The following PRKCI variants were observed in gnomAD, a reference collection of about 807,000 sequenced individuals.
The protein encoded by PRKCI is protein kinase C iota, also known as protein kinase C iota type.
Under a neutral mutation model 84.0 loss-of-function variants are expected in PRKCI, and 43 were observed. That is an observed-to-expected ratio of 0.51 (90% CI 0.40 to 0.66). PRKCI has a LOEUF of 0.66. Among genes scored for constraint, PRKCI ranks in the 30% least tolerant of loss-of-function variants. The probability of loss-of-function intolerance (pLI) is 0.00; values close to 1 mark genes in which losing one functional copy is unlikely to be tolerated. For missense variants in PRKCI, 459 were observed against 745.6 expected (o/e 0.62, Z 4.48); for synonymous variants, 216 against 234.4 (o/e 0.92, Z 0.72).
intron 1 of PRKCI, among the ~76,000 whole-genome samples, chr3:170,229,478 AT>A (rs1217825404): frequency 6.6e-6 from 1 of 152,004 alleles, no homozygotes; most frequent in Non-Finnish European, 1.5e-5. Flanking sequence ...GGCTCAGCTA[AT>A]TTTTTTTAAT....
chr3:170,280,695 C>T (rs1313539474), intron 9 of PRKCI, among the ~76,000 whole-genome samples: 2 of 152,070 alleles, frequency 1.3e-5, no homozygotes, highest in African/African-American at 2.4e-5. Flanking sequence ...GTGATCCACC[C>T]GCCTCAGCCT....
chr3:170,279,867 TG>T, intron 8 of PRKCI, among the ~76,000 whole-genome samples: 1 of 152,342 alleles, frequency 6.6e-6, no homozygotes, highest in Middle Eastern at 3.4e-3. Flanking sequence ...TGACGTTCCC[TG>T]TCAGTGGTAC....
chr3:170,276,567 G>A (rs1734121063), intron 8 of PRKCI, among the ~76,000 whole-genome samples: 2 of 151,730 alleles, frequency 1.3e-5, no homozygotes, highest in Admixed American at 6.6e-5. Context: ...AGCCACCTCA[G>A]CCTCTCAGGT....
intron 1 of PRKCI, among the ~76,000 whole-genome samples, chr3:170,233,226 G>GTTTTTTTTTTTTTTTTTTTTTTTTTTTTT (rs1732849761): frequency 1.5e-4 from 23 of 149,420 alleles, no homozygotes; most frequent in African/African-American, 4.5e-4. Context: ...TTCTTTTGGG[G>GTTTTTTTTTTTTTTTTTTTTTTTTTTTTT]GTTTATTTTT....
chr3:170,268,696 TAC>T (rs1733924977), intron 5 of PRKCI, among the ~76,000 whole-genome samples: 3 of 152,198 alleles, frequency 2.0e-5, no homozygotes, highest in African/African-American at 7.2e-5. Context: ...TGGGTTGTAC[TAC>T]GTACCAGGCA....
chr3:170,290,175 A>G (rs1314874141), intron 12 of PRKCI, among the ~76,000 whole-genome samples: 1 of 152,108 alleles, frequency 6.6e-6, no homozygotes, highest in African/African-American at 2.4e-5. Flanking sequence ...TTCTAGGTAC[A>G]TATGTTCTGT....
At chr3:170,275,665 CTATTAAG>C (rs2033543725) in intron 8 of PRKCI, among the ~76,000 whole-genome samples, 1 of 151,644 alleles carries the variant, frequency 6.6e-6, no homozygotes, top group African/African-American at 2.4e-5. Flanking sequence ...GTTTTTTTGA[CTATTAAG>C]TATTTTATCA....
intron 13 of PRKCI, among the ~76,000 whole-genome samples, chr3:170,292,458 A>T (rs1734575608): frequency 6.6e-6 from 1 of 152,190 alleles, no homozygotes. Context: ...AGATACACTT[A>T]TCTTGAGAAA....
intron 1 of PRKCI, among the ~76,000 whole-genome samples, chr3:170,228,147 A>G (rs1732683325): frequency 6.6e-6 from 1 of 152,202 alleles, no homozygotes; most frequent in African/African-American, 2.4e-5. Context: ...GAATGGAGCA[A>G]TTATTTATTG....
intron 2 of PRKCI, among the ~76,000 whole-genome samples, chr3:170,246,001 C>A (rs1177182050): frequency 7.8e-6 from 1 of 128,210 alleles, no homozygotes; most frequent in Non-Finnish European, 1.6e-5. Context: ...GTCACCCAGG[C>A]TGGAATGCAG....
At chr3:170,243,755 G>A (rs916670312) in intron 2 of PRKCI, among the ~76,000 whole-genome samples, 4 of 152,126 alleles carry the variant, frequency 2.6e-5, no homozygotes, top group Non-Finnish European at 4.4e-5. Context: ...GCACTCCAGG[G>A]GTACTGTATT....
intron 2 of PRKCI, among the ~76,000 whole-genome samples, chr3:170,259,501 A>G (rs1452486346): frequency 6.6e-6 from 1 of 151,906 alleles, no homozygotes; most frequent in East Asian, 1.9e-4. Flanking sequence ...GAATTGTCTA[A>G]ATAAATATCT....
At chr3:170,284,639 T>TAGTA (rs1176161027) in intron 12 of PRKCI, 43 bp downstream of exon 12, 1 of 1,560,464 alleles carries the variant, frequency 6.4e-7, no homozygotes, top group Non-Finnish European at 8.7e-7. Flanking sequence ...CTTCAGCAGC[T>TAGTA]AGTAGTCTTT....
intron 12 of PRKCI, among the ~76,000 whole-genome samples, chr3:170,287,326 T>A (rs1205985660): frequency 3.4e-5 from 5 of 147,612 alleles, no homozygotes; most frequent in Non-Finnish European, 5.9e-5. Flanking sequence ...CTATCTAAAA[T>A]ATATATATAT....
At chr3:170,230,967 T>G (rs554132141) in intron 1 of PRKCI, among the ~76,000 whole-genome samples, 17 of 149,650 alleles carry the variant, frequency 1.1e-4, no homozygotes, top group Admixed American at 5.3e-4. Context: ...TTTTTTGTTT[T>G]TTTTTTTTTT....
chr3:170,268,695 C>T (rs1014012166), intron 5 of PRKCI, among the ~76,000 whole-genome samples: 2 of 152,086 alleles, frequency 1.3e-5, no homozygotes, highest in African/African-American at 4.8e-5. Flanking sequence ...CTGGGTTGTA[C>T]TACGTACCAG....
intron 2 of PRKCI, among the ~76,000 whole-genome samples, chr3:170,239,140 TTCTTGCCCTTA>T (rs1172866303): frequency 6.6e-6 from 1 of 152,256 alleles, no homozygotes; most frequent in Non-Finnish European, 1.5e-5. Flanking sequence ...GATTTTTTCA[TTCTTGCCCTTA>T]CCAACCTTAG....
chr3:170,226,834 C>T (rs947104861), intron 1 of PRKCI, among the ~76,000 whole-genome samples: 4 of 152,028 alleles, frequency 2.6e-5, no homozygotes, highest in Non-Finnish European at 4.4e-5. Context: ...AGCCATGGCA[C>T]CTAATCCTAG....
chr3:170,300,978 A>G (rs115302025), intron 17 of PRKCI, among the ~76,000 whole-genome samples: 1 of 152,232 alleles, frequency 6.6e-6, no homozygotes, highest in African/African-American at 2.4e-5. Flanking sequence ...TCTTTTTGCT[A>G]TATGCAGTTT....
Sources: allele counts gnomAD v4.1 joint callset (sites outside exome capture counted in the v4.1 genomes callset), GRCh38; gene constraint gnomAD v4.1.1; transcripts MANE v1.5; gene names NCBI Gene and HGNC (gene_info 2026-07-23, HGNC 2026-07-21).